The following KASH5 variants were observed in gnomAD, a reference collection of about 807,000 sequenced individuals.
The protein encoded by KASH5 is protein KASH5.
A neutral mutation model predicts 84.2 loss-of-function variants in KASH5; 72 were observed. The observed-to-expected ratio is 0.85, with a 90% CI of 0.71 to 1.04. KASH5 has a LOEUF of 1.04. KASH5 is among the 50% of genes least tolerant of loss of function. KASH5 has a pLI of 0.00. For synonymous variants in KASH5, 260 were observed against 279.1 expected (o/e 0.93, Z 0.68); for missense variants, 650 against 701.0 (o/e 0.93, Z 0.82).
Position 49,409,841 on chromosome 19 carries a change from C to G in KASH5, c.1235C>G (p.Thr412Ser). 1 of 1,613,954 alleles carries G rather than the reference C, an allele frequency of 6.2e-7. No individual in the cohort carries two copies. Among genetic ancestry groups the G allele is most frequent in the Non-Finnish European group, 8.5e-7 (1 of 1,179,838 alleles). The change falls in exon 15 of 20, where the codon ACT becomes AGT. Residue 412 changes from threonine (T) to serine (S), a missense_variant. Transcript: ENST00000447857. Reference protein sequence around the residue: ...EEVIHETSEETEFPSEAPAGG... With the variant: ...EEVIHETSEESEFPSEAPAGG... ...GTCATCCATGAGACCAGTGAGGAAA[C>G]TGAGTTTCCATCTGAAGCCCCAGCT... is the stretch of plus-strand genomic sequence containing the variant.
chr19:49,417,435 CCTG>C lies in KASH5; in HGVS notation c.1620_1622del (p.Leu541del). On this transcript the variant is annotated inframe_deletion, in exon 20 of 20. Transcript: ENST00000447857. The surrounding 1 kb of genome is among the most constrained non-coding windows in gnomAD (Gnocchi z 5.2). The stretch of plus-strand genomic sequence containing the variant: ...TGCTGCTGCTGCTGCTGCTCTCTGT[CCTG>C]CTGCTTGGCCCGTCCCCACCTCCCA... 1 of 1,556,130 alleles carries C rather than the reference CCTG, an allele frequency of 6.4e-7. No homozygotes were observed. Among genetic ancestry groups the C allele is most frequent in the Non-Finnish European group, 8.7e-7 (1 of 1,149,870 alleles).
At position 49,399,403 on chromosome 19, in the gene KASH5, TG is replaced by T; in HGVS notation, c.748-49del. 6.4e-7 allele frequency: 1 copy of T among 1,550,506 alleles called. No individual in the cohort carries two copies. The highest frequency in any genetic ancestry group is 8.8e-7 in the Non-Finnish European group (1 of 1,135,252). On this transcript the variant is annotated intron_variant, in intron 8 of 19. Coordinates refer to ENST00000447857, the MANE Select transcript of KASH5 (RefSeq NM_144688.5). The surrounding 1 kb of genome is among the most constrained non-coding windows in gnomAD (Gnocchi z 4.4). ...TTTCAGGGGTGGGAGAAGGGCAACA[TG>T]GGGGCAAGGAGGCTAGAAATGAAAC...
rs1974738686 is a variant in KASH5, at chr19:49,412,072, T to C, written c.1270-896T>C. 1.3e-5 allele frequency among the ~76,000 whole-genome samples: 2 copies of C among 152,068 alleles called. No homozygotes were observed. On this transcript the variant is annotated intron_variant, in intron 15 of 19. Transcript: ENST00000447857. The surrounding 1 kb of genome is among the most constrained non-coding windows in gnomAD (Gnocchi z 4.6). Reference sequence around the variant, plus strand: ...GGAGTAGAGGGTAACTAGGGGTGACTAGTGAGAGATGAGGCCAGGGCCAGA... The same window carrying C: ...GGAGTAGAGGGTAACTAGGGGTGACCAGTGAGAGATGAGGCCAGGGCCAGA...
chr19:49,417,016 C>T lies in KASH5; in HGVS notation c.1376C>T (p.Ala459Val). ...AACGCATCTCTTCTGTCCTTGCAGG[C>T]TGATCTCCCTGTCCCTCTAGGAGCC... ...EEEDAESQVT[A>V]DLPVPLGAPR... The change falls in exon 18 of 20, where the codon GCT (alanine) becomes GTT (valine). Residue 459 changes from alanine to valine, a missense_variant and splice_region_variant. By Grantham distance (64) the Ala-to-Val change is moderately conservative. Coordinates refer to ENST00000447857, the MANE Select transcript of KASH5 (RefSeq NM_144688.5). The surrounding 1 kb of genome is among the most constrained non-coding windows in gnomAD (Gnocchi z 5.2). 2 of 1,585,720 alleles carry T rather than the reference C, an allele frequency of 1.3e-6. No individual in the cohort carries two copies. The highest frequency in any genetic ancestry group is 1.2e-5 in the South Asian group (1 of 86,762).
intron 5 of KASH5, 68 bp from the exon 6 acceptor site, chr19:49,397,583 G>C: frequency 6.8e-7 from 1 of 1,462,152 alleles, no homozygotes; most frequent in Admixed American, 1.7e-5. Flanking sequence ...TCCAACCTCA[G>C]AGCCCTGGGG....
chr19:49,404,693 G>C (rs1974468699), intron 9 of KASH5, among the ~76,000 whole-genome samples: 1 of 152,200 alleles, frequency 6.6e-6, no homozygotes, highest in South Asian at 2.1e-4. Flanking sequence ...ATTTAGGTTT[G>C]AGTCCATTTA....
At position 49,409,667 on chromosome 19, in the gene KASH5, C is replaced by T. The variant is rs542925025; in HGVS notation, c.1147-86C>T. The T allele has an allele frequency of 2.5e-5, 39 of 1,555,274 alleles. No homozygotes were observed. In the Middle Eastern group the frequency reaches 5.0e-4, roughly 20 times the overall value. ...TTCTATCTCTCATCCTATTTTCAGC[C>T]GCACACCTAAACCTATTTCTATCTC... On this transcript the variant is annotated intron_variant, in intron 14 of 19. Transcript: ENST00000447857.
At chr19:49,402,678 G>GT in intron 9 of KASH5, among the ~76,000 whole-genome samples, 1 of 152,110 alleles carries the variant, frequency 6.6e-6, no homozygotes, top group Admixed American at 6.6e-5. Flanking sequence ...CCGCATTCTA[G>GT]CCTGGGTGAC....
At chr19:49,396,053 C>A (rs1331202506) in intron 5 of KASH5, among the ~76,000 whole-genome samples, 1 of 152,028 alleles carries the variant, frequency 6.6e-6, no homozygotes, top group African/African-American at 2.4e-5. Flanking sequence ...CTCACACCAG[C>A]CCTATTAGAG....
chr19:49,410,443 C>T (rs1274781944), intron 15 of KASH5, among the ~76,000 whole-genome samples: 1 of 151,602 alleles, frequency 6.6e-6, no homozygotes, highest in Admixed American at 6.6e-5. Context: ...CCACCTCAGC[C>T]TCCCAAGTAG....
chr19:49,395,829 A>G lies in KASH5; in HGVS notation c.396A>G (p.Pro132=), dbSNP rs374539084. The change falls in exon 5 of 20, where the codon CCA becomes CCG. Residue 132 remains proline (P), a synonymous_variant. Coordinates refer to ENST00000447857, the MANE Select transcript of KASH5 (RefSeq NM_144688.5). This position sits in a 1 kb window ranked among gnomAD's most constrained non-coding sequence, Gnocchi z 4.4. The part of the protein sequence containing the change: ...FQGALTSRQL[P]SGCPEAEEPA... The stretch of plus-strand genomic sequence containing the variant: ...GAGCCCTGACCTCCCGGCAACTGCC[A>G]TCTGGTGAGATTGCTATATATAGAA... 5.8e-6 allele frequency: 9 copies of G among 1,557,948 alleles called. No homozygotes were observed. The highest frequency in any genetic ancestry group is 7.8e-6 in the Non-Finnish European group (9 of 1,150,874).
At chr19:49,407,695 C>A in intron 12 of KASH5, 24 bp downstream of exon 12, 1 of 1,585,696 alleles carries the variant, frequency 6.3e-7, no homozygotes, top group African/African-American at 1.3e-5. Context: ...CCTCGCCACC[C>A]ACCGCGGCCC....
chr19:49,415,342 C>A, intron 17 of KASH5: 1 of 371,054 alleles, frequency 2.7e-6, no homozygotes. Flanking sequence ...AGAGGTTGGG[C>A]CGGCCCTCCC....
At chr19:49,403,790 G>C (rs905888245) in intron 9 of KASH5, among the ~76,000 whole-genome samples, 1 of 152,256 alleles carries the variant, frequency 6.6e-6, no homozygotes, top group African/African-American at 2.4e-5. Context: ...GCCAGGTTGA[G>C]TGCCTTGAGC....
At chr19:49,397,411 C>T (rs1974216495) in intron 5 of KASH5, among the ~76,000 whole-genome samples, 1 of 151,942 alleles carries the variant, frequency 6.6e-6, no homozygotes, top group South Asian at 2.1e-4. Context: ...GAAGTGCTGC[C>T]CAGTGTTGGG....
At chr19:49,397,409 G>A (rs1974216306) in intron 5 of KASH5, among the ~76,000 whole-genome samples, 1 of 152,164 alleles carries the variant, frequency 6.6e-6, no homozygotes, top group South Asian at 2.1e-4. Flanking sequence ...GTGAAGTGCT[G>A]CCCAGTGTTG....
chr19:49,392,804 C>T (rs1022116890), intron 2 of KASH5, among the ~76,000 whole-genome samples: 1 of 151,848 alleles, frequency 6.6e-6, no homozygotes, highest in Non-Finnish European at 1.5e-5. Context: ...CCCAGCTACT[C>T]GGGAGGCTGA....
chr19:49,408,915 G>A (rs1974618651), intron 12 of KASH5, 52 bp from the exon 13 acceptor site: 2 of 1,541,816 alleles, frequency 1.3e-6, no homozygotes, highest in African/African-American at 1.4e-5. Context: ...AGGTGGATGG[G>A]AGGGTGGGAA....
At chr19:49,409,398 C>T in intron 14 of KASH5, 115 bp downstream of exon 14, 1 of 1,072,128 alleles carries the variant, frequency 9.3e-7, no homozygotes, top group Non-Finnish European at 1.4e-6. Context: ...GCCAGAGGCT[C>T]CTATCGCAAC....
Sources: allele counts gnomAD v4.1 joint callset (sites outside exome capture counted in the v4.1 genomes callset), GRCh38; gene constraint gnomAD v4.1.1; non-coding constraint Gnocchi (gnomAD v3.1); transcripts MANE v1.5; gene names NCBI Gene and HGNC (gene_info 2026-07-23, HGNC 2026-07-21).